Variants in AVL9 observed in about 807,000 individuals in gnomAD.
AVL9 encodes AVL9 cell migration associated, also known as late secretory pathway protein AVL9 homolog.
A neutral mutation model predicts 79.2 loss-of-function variants in AVL9; 49 were observed. That is an observed-to-expected ratio of 0.62 (90% CI 0.49 to 0.79). The LOEUF (loss-of-function observed/expected upper bound fraction) is 0.79. Among genes scored for constraint, AVL9 ranks in the 30% least tolerant of loss-of-function variants. The probability of loss-of-function intolerance (pLI) is 0.00; values close to 1 mark genes in which losing one functional copy is unlikely to be tolerated. For missense variants in AVL9, 682 were observed against 776.8 expected, an observed-to-expected ratio of 0.88 and a Z score of 1.45; for synonymous variants, 299 against 280.6, an observed-to-expected ratio of 1.07 and a Z score of -0.65.
At chr7:32,567,170 C>CA (rs1790620513) in intron 10 of AVL9, among the ~76,000 whole-genome samples, 1 of 152,100 alleles carries the variant, frequency 6.6e-6, no homozygotes, top group South Asian at 2.1e-4. Context: ...GGTGTGATCT[C>CA]AGCTCACTGC....
intron 13 of AVL9, among the ~76,000 whole-genome samples, chr7:32,579,303 ATTATATATT>A (rs1791248445): frequency 1.1e-4 from 10 of 91,580 alleles, no homozygotes; most frequent in African/African-American, 4.9e-4. Flanking sequence ...TATTATATAT[ATTATATATT>A]ATATATATTT....
intron 1 of AVL9, among the ~76,000 whole-genome samples, chr7:32,504,350 ATCATC>A (rs1287433459): frequency 6.6e-6 from 1 of 152,226 alleles, no homozygotes; most frequent in Non-Finnish European, 1.5e-5. Flanking sequence ...TTCCATTTAT[ATCATC>A]TCATTCAGAA....
intron 13 of AVL9, 26 bp from the exon 14 acceptor site, chr7:32,580,193 A>G: frequency 6.3e-7 from 1 of 1,586,134 alleles, no homozygotes. Flanking sequence ...AAATACTGAT[A>G]GTTTAAACTC....
intron 12 of AVL9, among the ~76,000 whole-genome samples, chr7:32,575,507 T>TTCTTAATC (rs746363776): frequency 2.4e-4 from 32 of 132,678 alleles, no homozygotes; most frequent in Non-Finnish European, 4.2e-4. Context: ...TGTGTATTCA[T>TTCTTAATC]TCTTAATCTT....
At chr7:32,552,485 C>T (rs1274665555) in intron 6 of AVL9, among the ~76,000 whole-genome samples, 190 bp downstream of exon 6, 1 of 151,316 alleles carries the variant, frequency 6.6e-6, no homozygotes, top group Non-Finnish European at 1.5e-5. Context: ...TAGAACATAC[C>T]AGGTTTACAA....
intron 1 of AVL9, among the ~76,000 whole-genome samples, chr7:32,511,816 G>A (rs1787686946): frequency 6.6e-6 from 1 of 152,118 alleles, no homozygotes; most frequent in Non-Finnish European, 1.5e-5. Context: ...ACGAGAGCCA[G>A]AAGGAACAGA....
At chr7:32,496,811 T>G (rs1786838022) in intron 1 of AVL9, among the ~76,000 whole-genome samples, 1 of 152,242 alleles carries the variant, frequency 6.6e-6, no homozygotes, top group African/African-American at 2.4e-5. Context: ...AAATCGTGTT[T>G]GTGCGTAATT....
At chr7:32,502,819 C>A (rs995685487) in intron 1 of AVL9, among the ~76,000 whole-genome samples, 2 of 152,198 alleles carry the variant, frequency 1.3e-5, no homozygotes, top group Non-Finnish European at 2.9e-5. Flanking sequence ...GTGATTTGCA[C>A]GTGGCTCTGA....
In AVL9 at chr7:32,584,045, G is replaced by C. The variant is rs1485619235; in HGVS notation, c.*138G>C. On this transcript the variant is annotated 3_prime_UTR_variant, in exon 16 of 16. Coordinates refer to ENST00000318709, the MANE Select transcript of AVL9 (RefSeq NM_015060.3). Reference sequence around the variant, plus strand: ...TGTTTACATGGATGTTGCTCTAAGTGAATGTTTCGGGATGCCGAAATGATG... The same window carrying C: ...TGTTTACATGGATGTTGCTCTAAGTCAATGTTTCGGGATGCCGAAATGATG... 1.4e-6 allele frequency: 1 copy of C among 725,574 alleles called. No individual in the cohort carries two copies. Among genetic ancestry groups the C allele is most frequent in the Non-Finnish European group, 2.5e-6 (1 of 395,320 alleles). 44.9% of individuals were successfully genotyped at this position (725,574 alleles called of 1,614,324 possible). A position where few individuals can be genotyped will look rare whatever the true frequency, so the allele number is the denominator to read the frequency against.
At chr7:32,583,727 G>A (rs930804697) in intron 15 of AVL9, 65 bp from the exon 16 acceptor site, 2 of 948,748 alleles carry the variant, frequency 2.1e-6, no homozygotes, top group Non-Finnish European at 1.6e-6. Flanking sequence ...AATTATGTTG[G>A]TCTTTCACTG....
At chr7:32,554,419 A>T (rs1351553726) in intron 7 of AVL9, 139 bp from the exon 8 acceptor site, 2 of 457,766 alleles carry the variant, frequency 4.4e-6, no homozygotes, top group East Asian at 6.9e-5. Context: ...ACTTCTCAGT[A>T]TAAGTTCATA....
At chr7:32,548,144 C>CTGTCTTTTTTTT (rs1227025763) in intron 3 of AVL9, among the ~76,000 whole-genome samples, 1 of 57,598 alleles carries the variant, frequency 1.7e-5, no homozygotes, top group African/African-American at 5.4e-5. Flanking sequence ...TTTGTCATCT[C>CTGTCTTTTTTTT]TTTTTTCTTT....
rs946591615 is a variant in AVL9, at chr7:32,586,086, A to T, written c.*2179A>T. 6.6e-6 allele frequency: 1 copy of T among 152,020 alleles called. No homozygotes were observed. The highest frequency in any genetic ancestry group is 2.4e-5 in the African/African-American group (1 of 41,362). The allele number at this position is 152,020 out of a possible 1,614,324, so 9.4% of individuals were successfully genotyped here. A position where few individuals can be genotyped will look rare whatever the true frequency, so the allele number is the denominator to read the frequency against. On this transcript the variant is annotated 3_prime_UTR_variant, in exon 16 of 16. Transcript: ENST00000318709. ...GGTATGGTTTCTGTGATCGGGGTAAACTCCCGTCTCCCACTATTCAAAAGC... is the reference window on the plus strand; with the variant it reads ...GGTATGGTTTCTGTGATCGGGGTAATCTCCCGTCTCCCACTATTCAAAAGC...
chr7:32,496,444 A>G (rs1287434155), intron 1 of AVL9, among the ~76,000 whole-genome samples: 3 of 152,236 alleles, frequency 2.0e-5, no homozygotes, highest in Non-Finnish European at 2.9e-5. Flanking sequence ...ATCAACCGCA[A>G]TAAGAGAAAG....
chr7:32,584,560 G>A lies in AVL9; in HGVS notation c.*653G>A, dbSNP rs965423357. Reference sequence around the variant, plus strand: ...TTCAGACATCAAGGAGTATCACTGTGCTTTCCTCCTCTTTATAACTGTGCA... The same window carrying A: ...TTCAGACATCAAGGAGTATCACTGTACTTTCCTCCTCTTTATAACTGTGCA... On this transcript the variant is annotated 3_prime_UTR_variant, in exon 16 of 16. Coordinates refer to ENST00000318709, the MANE Select transcript of AVL9 (RefSeq NM_015060.3). 3 of 153,926 alleles carry A rather than the reference G, an allele frequency of 1.9e-5. No individual in the cohort carries two copies. The highest frequency in any genetic ancestry group is 4.3e-5 in the Non-Finnish European group (3 of 69,250). The allele number at this position is 153,926 out of a possible 1,614,324, so 9.5% of individuals were successfully genotyped here.
At position 32,495,704 on chromosome 7, in the gene AVL9, C is replaced by T; in HGVS notation, c.-6C>T. On this transcript the variant is annotated 5_prime_UTR_variant, in exon 1 of 16. Transcript: ENST00000318709. Reference sequence around the variant, plus strand: ...AAGTCGTCGTGCGGGCCCGCGGCGGCCGCCCATGGAGAAGGCCAGGAGAGG... The same window carrying T: ...AAGTCGTCGTGCGGGCCCGCGGCGGTCGCCCATGGAGAAGGCCAGGAGAGG... 2 of 1,255,888 alleles carry T rather than the reference C, an allele frequency of 1.6e-6. No homozygotes were observed. The highest frequency in any genetic ancestry group is 3.5e-5 in the South Asian group (1 of 28,436). The allele number at this position is 1,255,888 out of a possible 1,614,324, so 77.8% of individuals were successfully genotyped here.
chr7:32,495,772 G>A lies in AVL9; in HGVS notation c.63G>A (p.Val21=). Residue 21 remains valine, a synonymous_variant, in exon 1 of 16, where the codon GTG becomes GTA. Transcript: ENST00000318709. The part of the protein sequence containing the change: ...VPRGPVLHIV[V]VGFHHKKGCQ... The stretch of plus-strand genomic sequence containing the variant: ...GGGGGCCCGTACTGCACATCGTGGT[G>A]GTCGGATTTCACCACAAGAAGGGCT... The A allele has an allele frequency of 7.9e-7, 1 of 1,260,482 alleles. No homozygotes were observed. The highest frequency in any genetic ancestry group is 2.1e-4 in the Middle Eastern group (1 of 4,770). 78.1% of individuals were successfully genotyped at this position (1,260,482 alleles called of 1,614,324 possible). A position where few individuals can be genotyped will look rare whatever the true frequency, so the allele number is the denominator to read the frequency against.
At chr7:32,556,751 C>A (rs1790082174) in intron 8 of AVL9, among the ~76,000 whole-genome samples, 1 of 152,086 alleles carries the variant, frequency 6.6e-6, no homozygotes, top group African/African-American at 2.4e-5. Context: ...CACTATCCAG[C>A]CACAGAACAC....
At chr7:32,555,870 T>G (rs1179687225) in intron 8 of AVL9, among the ~76,000 whole-genome samples, 1 of 152,220 alleles carries the variant, frequency 6.6e-6, no homozygotes, top group Non-Finnish European at 1.5e-5. Context: ...AATTCTCCTG[T>G]TAGAGATCTA....
Sources: allele counts gnomAD v4.1 joint callset (sites outside exome capture counted in the v4.1 genomes callset), GRCh38; gene constraint gnomAD v4.1.1; transcripts MANE v1.5; gene names NCBI Gene and HGNC (gene_info 2026-07-23, HGNC 2026-07-21).